Variants in TENM2 observed in about 807,000 individuals in gnomAD.
TENM2 encodes teneurin-2.
TENM2 carries 52 observed loss-of-function variants against 245.2 expected under a neutral mutation model. The observed-to-expected ratio is 0.21, with a 90% CI of 0.17 to 0.27. The LOEUF is 0.27. TENM2 is among the 10% of genes least tolerant of loss of function. The pLI is 1.00. For missense variants in TENM2, 3,046 were observed against 3,666.8 expected (o/e 0.83, Z 4.37); for synonymous variants, 1,363 against 1,438.9 (o/e 0.95, Z 1.19).
At chr5:167,483,428 G>A (rs1256787140) in intron 2 of TENM2, among the ~76,000 whole-genome samples, 1 of 152,134 alleles carries the variant, frequency 6.6e-6, no homozygotes, top group Non-Finnish European at 1.5e-5. Flanking sequence ...TTTTCTGTGT[G>A]GGTATGTGTG....
intron 2 of TENM2, among the ~76,000 whole-genome samples, chr5:167,652,044 CT>C (rs377146632): frequency 2.8e-5 from 4 of 142,354 alleles, no homozygotes; most frequent in Non-Finnish European, 6.0e-5. Flanking sequence ...TTTCACTAAC[CT>C]TTTTCTCTTT....
chr5:167,460,022 C>T (rs2127490979), intron 2 of TENM2, among the ~76,000 whole-genome samples: 1 of 152,096 alleles, frequency 6.6e-6, no homozygotes. Context: ...AAATACGACA[C>T]ATTGAGTGGA....
At chr5:168,196,993 C>T (rs1481120097) in intron 15 of TENM2, among the ~76,000 whole-genome samples, 1 of 152,180 alleles carries the variant, frequency 6.6e-6, no homozygotes, top group Non-Finnish European at 1.5e-5. Context: ...AGTCACAGGA[C>T]GTGCTTGAGA....
At chr5:167,797,774 G>A (rs1187198233) in intron 2 of TENM2, among the ~76,000 whole-genome samples, 2 of 152,128 alleles carry the variant, frequency 1.3e-5, no homozygotes, top group African/African-American at 4.8e-5. Context: ...GAAATGAAGA[G>A]GGATGCTATG....
the TENM2 span, among the ~76,000 whole-genome samples, chr5:167,256,257 GC>G: frequency 6.6e-6 from 1 of 152,120 alleles, no homozygotes; most frequent in African/African-American, 2.4e-5. Flanking sequence ...GCAAATGAAA[GC>G]AGGCATTCAG....
At chr5:167,902,204 T>G (rs1463371784) in intron 3 of TENM2, among the ~76,000 whole-genome samples, 1 of 152,168 alleles carries the variant, frequency 6.6e-6, no homozygotes, top group Admixed American at 6.5e-5. Flanking sequence ...ATGTACCCTC[T>G]GTCCCAAGAA....
intron 1 of TENM2, chr5:167,296,678 C>A (rs1011697793): frequency 6.6e-6 from 1 of 152,172 alleles, no homozygotes; most frequent in Non-Finnish European, 1.5e-5. Context: ...GTCAAAAGAC[C>A]CCTGTTTGCC....
At chr5:167,451,923 A>C (rs758945653) in intron 2 of TENM2, among the ~76,000 whole-genome samples, 3 of 152,162 alleles carry the variant, frequency 2.0e-5, no homozygotes, top group Admixed American at 6.5e-5. Context: ...TGCTGGGATT[A>C]CAGGCATGAG....
At chr5:167,934,820 A>G (rs1583416123) in intron 3 of TENM2, 3 of 982,240 alleles carry the variant, frequency 3.1e-6, no homozygotes, top group East Asian at 2.3e-4. Context: ...TGTGCTCAGC[A>G]TCACGGGCAG....
At chr5:168,084,226 C>A (rs1356535682) in intron 7 of TENM2, among the ~76,000 whole-genome samples, 1 of 152,196 alleles carries the variant, frequency 6.6e-6, no homozygotes, top group Non-Finnish European at 1.5e-5. Context: ...CATATGAGTG[C>A]ATGTGTCATT....
intron 25 of TENM2, among the ~76,000 whole-genome samples, chr5:168,240,529 T>C (rs1276144839): frequency 6.6e-6 from 1 of 152,164 alleles, no homozygotes; most frequent in East Asian, 1.9e-4. Context: ...CCTGAGAGTG[T>C]TGTTGTGTAA....
intron 1 of TENM2, among the ~76,000 whole-genome samples, chr5:167,358,532 C>G (rs1233381625): frequency 6.6e-6 from 1 of 151,256 alleles, no homozygotes; most frequent in Non-Finnish European, 1.5e-5. Flanking sequence ...TTTCCATACT[C>G]CTTTACTGCT....
chr5:167,807,144 AAAAAAAAAAAAAG>A (rs1332122192), intron 2 of TENM2, among the ~76,000 whole-genome samples: 1 of 148,980 alleles, frequency 6.7e-6, no homozygotes, highest in African/African-American at 2.5e-5. Context: ...AAAAAAAAAA[AAAAAAAAAAAAAG>A]AAGAAGAAGA....
At chr5:167,961,304 G>C (rs147764655) in intron 4 of TENM2, among the ~76,000 whole-genome samples, 1 of 152,186 alleles carries the variant, frequency 6.6e-6, no homozygotes, top group Non-Finnish European at 1.5e-5. Flanking sequence ...AGCTTTGCTG[G>C]AAGCTGACTG....
intron 2 of TENM2, among the ~76,000 whole-genome samples, chr5:167,556,974 C>G (rs1313060246): frequency 6.6e-6 from 1 of 152,096 alleles, no homozygotes; most frequent in African/African-American, 2.4e-5. Context: ...AGGGATTCTA[C>G]CAGAATGCAC....
chr5:167,581,626 G>A (rs981357388), intron 2 of TENM2, among the ~76,000 whole-genome samples: 3 of 152,132 alleles, frequency 2.0e-5, no homozygotes, highest in Admixed American at 6.6e-5. Flanking sequence ...GAGAATATAT[G>A]TATGTGCATA....
intron 1 of TENM2, among the ~76,000 whole-genome samples, chr5:167,293,846 G>A (rs1267710446): frequency 1.3e-5 from 2 of 151,878 alleles, no homozygotes; most frequent in Non-Finnish European, 2.9e-5. Context: ...CACTTCATAC[G>A]GATCCCAGGC....
At chr5:168,119,101 T>C (rs758972937) in intron 10 of TENM2, among the ~76,000 whole-genome samples, 2 of 152,192 alleles carry the variant, frequency 1.3e-5, no homozygotes, top group Admixed American at 6.5e-5. Flanking sequence ...GTTTTTTATG[T>C]CATTTAGAAA....
intron 17 of TENM2, among the ~76,000 whole-genome samples, chr5:168,200,498 T>C (rs571695947): frequency 3.9e-5 from 6 of 152,190 alleles, no homozygotes; most frequent in Non-Finnish European, 8.8e-5. Flanking sequence ...AGAAGAGGAT[T>C]TCAGGCAGAG....
Sources: gnomAD v4.1 joint callset for allele counts (sites outside exome capture counted in the v4.1 genomes callset) on GRCh38, gnomAD v4.1.1 for gene constraint, MANE v1.5 for transcripts, NCBI Gene and HGNC (gene_info 2026-07-23, HGNC 2026-07-21) for gene names.